Variants in LRRC4C observed in about 807,000 individuals in gnomAD.
The protein encoded by LRRC4C is leucine rich repeat containing 4C.
LRRC4C carries 5 observed loss-of-function variants against 33.6 expected under a neutral mutation model. The ratio of observed to expected loss-of-function variants is 0.15; its 90% CI spans 0.08 to 0.31. The LOEUF is 0.31. LRRC4C is among the 10% of genes least tolerant of loss of function. The pLI, the probability that LRRC4C is intolerant of heterozygous loss-of-function variation, is 1.00. For missense variants in LRRC4C, 560 were observed against 796.7 expected, an observed-to-expected ratio of 0.70 and a Z score of 3.58; for synonymous variants, 329 against 302.0, an observed-to-expected ratio of 1.09 and a Z score of -0.93.
intron 1 of LRRC4C, among the ~76,000 whole-genome samples, chr11:41,395,459 G>A (rs1287506674): frequency 6.6e-6 from 1 of 151,828 alleles, no homozygotes; most frequent in African/African-American, 2.4e-5. Context: ...ATTATGATTG[G>A]ACCATCACTA....
At chr11:40,579,673 T>G (rs1403434238) in intron 3 of LRRC4C, among the ~76,000 whole-genome samples, 2 of 152,138 alleles carry the variant, frequency 1.3e-5, no homozygotes, top group African/African-American at 2.4e-5. Context: ...AACTCTTACG[T>G]GTTTGTACAA....
intron 5 of LRRC4C, among the ~76,000 whole-genome samples, chr11:40,212,118 C>A (rs1863645572): frequency 6.6e-6 from 1 of 152,072 alleles, no homozygotes; most frequent in African/African-American, 2.4e-5. Flanking sequence ...TGTTTATTTG[C>A]CTGACAGTAT....
rs574836419 is a variant in LRRC4C at position 40,963,884 on chromosome 11, T to C, written c.-495-30161A>G. Among the ~76,000 whole-genome samples the C allele has an allele frequency of 3.3e-5, 5 of 151,912 alleles. No individual in the cohort carries two copies. The East Asian group carries it at 9.7e-4, about 29-fold the overall frequency. On this transcript the variant is annotated intron_variant, in intron 1 of 6. Transcript: ENST00000528697. ...TGAGTAATTTGCTGGCAATGTCTTC[T>C]TAGTTTTACTACTGCAAAATGCAGA...
In LRRC4C at chr11:40,245,872, C is replaced by T. The variant is rs575041468; in HGVS notation, c.-175-4274G>A. ...TAGATATTATTATTTTAATTATTTCCACCATTATATTAGTATTATAAATTC... is the reference window on the plus strand; with the variant it reads ...TAGATATTATTATTTTAATTATTTCTACCATTATATTAGTATTATAAATTC... On this transcript the variant is annotated intron_variant, in intron 4 of 6. Coordinates refer to ENST00000528697, the MANE Select transcript of LRRC4C (RefSeq NM_001258419.2). Among the ~76,000 whole-genome samples, 52 of 151,662 alleles carry T rather than the reference C, an allele frequency of 3.4e-4. 1 individual carries two copies. The South Asian group carries it at 0.011, about 32-fold the overall frequency.
chr11:40,780,380 A>T (rs1171321379), intron 2 of LRRC4C, among the ~76,000 whole-genome samples: 1 of 152,196 alleles, frequency 6.6e-6, no homozygotes, highest in African/African-American at 2.4e-5. Context: ...GGATGCCCTC[A>T]TTTTATACAT....
chr11:40,399,978 C>T (rs1949699197), intron 3 of LRRC4C, among the ~76,000 whole-genome samples: 2 of 152,136 alleles, frequency 1.3e-5, no homozygotes, highest in South Asian at 2.1e-4. Flanking sequence ...AAAATAAAGA[C>T]CAGTAGAGCA....
intron 2 of LRRC4C, among the ~76,000 whole-genome samples, chr11:40,763,336 T>G (rs1467988611): frequency 6.6e-6 from 1 of 152,002 alleles, no homozygotes; most frequent in Non-Finnish European, 1.5e-5. Flanking sequence ...TAATAACATT[T>G]TTGTGAACTG....
intron 1 of LRRC4C, among the ~76,000 whole-genome samples, chr11:41,077,584 G>GGAA (rs1939249115): frequency 1.3e-5 from 2 of 152,152 alleles, no homozygotes; most frequent in Non-Finnish European, 2.9e-5. Context: ...AGGCTGCACA[G>GGAA]AGTGGCAGGG....
intron 4 of LRRC4C, among the ~76,000 whole-genome samples, chr11:40,246,353 C>T (rs781131079): frequency 6.6e-6 from 1 of 152,180 alleles, no homozygotes; most frequent in Non-Finnish European, 1.5e-5. Flanking sequence ...TCCTTCTAGA[C>T]ATCAAATACT....
intron 3 of LRRC4C, chr11:40,351,483 T>C (rs1025587849): frequency 6.6e-5 from 10 of 152,088 alleles, no homozygotes; most frequent in Non-Finnish European, 1.5e-4. Flanking sequence ...ATCTGTCCAA[T>C]AGCTGAAAGT....
chr11:40,305,238 C>T (rs1436196256), intron 4 of LRRC4C, among the ~76,000 whole-genome samples: 2 of 152,190 alleles, frequency 1.3e-5, no homozygotes, highest in African/African-American at 2.4e-5. Context: ...TTGGCTACCC[C>T]ATGTCTATTG....
chr11:40,607,881 G>T (rs577847893), intron 3 of LRRC4C, among the ~76,000 whole-genome samples: 2 of 152,230 alleles, frequency 1.3e-5, no homozygotes, highest in South Asian at 4.1e-4. Flanking sequence ...CTGCAGTGGG[G>T]TTGGTGCCCA....
At position 40,380,731 on chromosome 11, in the gene LRRC4C, T is replaced by C. The variant is rs539156114; in HGVS notation, c.-269-61010A>G. On this transcript the variant is annotated intron_variant, in intron 3 of 6. Coordinates refer to ENST00000528697, the MANE Select transcript of LRRC4C (RefSeq NM_001258419.2). ...AGTGTAAATATATTTAATAATAGTA[T>C]CTGCTATTCACTTCATGTAAAATTC... Among the ~76,000 whole-genome samples the C allele has an allele frequency of 3.3e-5, 5 of 152,330 alleles. No homozygotes were observed. In the East Asian group the frequency reaches 9.7e-4, roughly 29 times the overall value.
intron 5 of LRRC4C, among the ~76,000 whole-genome samples, chr11:40,164,327 A>G (rs997396743): frequency 2.6e-5 from 4 of 152,098 alleles, no homozygotes; most frequent in Admixed American, 1.3e-4. Flanking sequence ...TGCAACCTCC[A>G]CCTCACGGGT....
At chr11:40,266,841 T>C (rs761650910) in intron 4 of LRRC4C, among the ~76,000 whole-genome samples, 13 of 152,192 alleles carry the variant, frequency 8.5e-5, no homozygotes, top group Non-Finnish European at 1.6e-4. Context: ...GCTTTGTCTC[T>C]AATATTCATG....
chr11:41,127,545 G>A (rs549651621), intron 1 of LRRC4C, among the ~76,000 whole-genome samples: 2 of 152,126 alleles, frequency 1.3e-5, no homozygotes, highest in South Asian at 4.1e-4. Context: ...ATTACATAGT[G>A]TAGTAGATAT....
At chr11:40,709,620 C>T (rs1288454344) in intron 2 of LRRC4C, among the ~76,000 whole-genome samples, 1 of 152,092 alleles carries the variant, frequency 6.6e-6, no homozygotes, top group Non-Finnish European at 1.5e-5. Context: ...CGACTTTTCT[C>T]TCTGGCTGCC....
rs534262456 is a variant in LRRC4C, at chr11:41,138,102, C to T, written c.-495-204379G>A. Among the ~76,000 whole-genome samples, 221 of 152,336 alleles carry T rather than the reference C, an allele frequency of 1.5e-3. 1 individual carries two copies. Among genetic ancestry groups the T allele is most frequent in the African/African-American group, 5.1e-3 (211 of 41,588 alleles). The stretch of plus-strand genomic sequence containing the variant: ...TTCATGTATTCATTCACTTACCTCA[C>T]TGTTGCATATTTTGTGAGTTGAAAG... On this transcript the variant is annotated intron_variant, in intron 1 of 6. Transcript: ENST00000528697.
chr11:40,295,727 T>C (rs1944479020), intron 4 of LRRC4C, among the ~76,000 whole-genome samples: 1 of 152,200 alleles, frequency 6.6e-6, no homozygotes, highest in South Asian at 2.1e-4. Flanking sequence ...TATTGTAATT[T>C]CCCCATCTTT....
Sources: gnomAD v4.1 joint callset for allele counts (sites outside exome capture counted in the v4.1 genomes callset) on GRCh38, gnomAD v4.1.1 for gene constraint, MANE v1.5 for transcripts, NCBI Gene and HGNC (gene_info 2026-07-23, HGNC 2026-07-21) for gene names.